SLC35G6: variants seen among roughly 807,000 people sequenced by gnomAD.
The protein encoded by SLC35G6 is acyl-malonyl condensing enzyme 1-like 3.
Under a neutral mutation model 20.3 loss-of-function variants are expected in SLC35G6, and 18 were observed. The observed-to-expected ratio is 0.88, with a 90% CI of 0.61 to 1.31. The LOEUF (loss-of-function observed/expected upper bound fraction) is 1.31, where lower values mean the gene tolerates loss of function less well. Among genes scored for constraint, SLC35G6 ranks in the 40% most tolerant of loss-of-function variants. The probability of loss-of-function intolerance (pLI) is 0.00; values close to 1 mark genes in which losing one functional copy is unlikely to be tolerated. For synonymous variants in SLC35G6, 156 were observed against 200.9 expected, an observed-to-expected ratio of 0.78 and a Z score of 1.89; for missense variants, 372 against 433.4, an observed-to-expected ratio of 0.86 and a Z score of 1.26.
In SLC35G6 at chr17:7,483,323, G is replaced by C. The variant is rs1482346192; in HGVS notation, c.*322G>C. 2.2e-6 allele frequency: 1 copy of C among 456,862 alleles called. No homozygotes were observed. Among genetic ancestry groups the C allele is most frequent in the Non-Finnish European group, 4.0e-6 (1 of 250,220 alleles). 28.3% of individuals were successfully genotyped at this position (456,862 alleles called of 1,614,324 possible). A position where few individuals can be genotyped will look rare whatever the true frequency, so the allele number is the denominator to read the frequency against. ...GGACTTCACTCAGCAGCAAAGAGAA[G>C]AGCATTGGGGCTGGAGTGTTCCGGC... On this transcript the variant is annotated 3_prime_UTR_variant, in exon 2 of 2. Coordinates refer to ENST00000412468, the MANE Select transcript of SLC35G6 (RefSeq NM_001102614.2).
In SLC35G6 at chr17:7,482,755, G is replaced by T. The variant is rs757535728; in HGVS notation, c.771G>T (p.Gly257=). Residue 257 remains glycine (G), a synonymous_variant, in exon 2 of 2, where the codon GGG becomes GGT. Coordinates refer to ENST00000412468, the MANE Select transcript of SLC35G6 (RefSeq NM_001102614.2). Reference sequence around the variant, plus strand: ...ATCTCCCGAGTTGGAGTTGTGTGGGGGCAGTGGGGATCCTCGCCTTGGTCT... The same window carrying T: ...ATCTCCCGAGTTGGAGTTGTGTGGGTGCAGTGGGGATCCTCGCCTTGGTCT... ...PSDLPSWSCV[G]AVGILALVSF... 3 of 1,611,894 alleles carry T rather than the reference G, an allele frequency of 1.9e-6. No individual in the cohort carries two copies. The highest frequency in any genetic ancestry group is 2.5e-6 in the Non-Finnish European group (3 of 1,179,852).
chr17:7,483,111 G>C lies in SLC35G6; in HGVS notation c.*110G>C. On this transcript the variant is annotated 3_prime_UTR_variant, in exon 2 of 2. Transcript: ENST00000412468. The stretch of plus-strand genomic sequence containing the variant: ...TGGAAAAGAACTGGTGTGGGAGAGG[G>C]ATACCTCTCAGAGTCAAGGGTGACT... The C allele has an allele frequency of 1.3e-6, 2 of 1,519,088 alleles. No homozygotes were observed. Among genetic ancestry groups the C allele is most frequent in the Non-Finnish European group, 1.8e-6 (2 of 1,125,398 alleles). 94.1% of individuals were successfully genotyped at this position (1,519,088 alleles called of 1,614,324 possible). A position where few individuals can be genotyped will look rare whatever the true frequency, so the allele number is the denominator to read the frequency against.
Position 7,483,225 on chromosome 17 carries a change from G to C in SLC35G6, c.*224G>C. On this transcript the variant is annotated 3_prime_UTR_variant, in exon 2 of 2. Transcript: ENST00000412468. ...GAGACCAGGCTGGGTCCTGGAATCA[G>C]GGCATAACTAAGGGGTAAAGTCTGA... 1 of 856,266 alleles carries C rather than the reference G, an allele frequency of 1.2e-6. No homozygotes were observed. 53.0% of individuals were successfully genotyped at this position (856,266 alleles called of 1,614,324 possible). A position where few individuals can be genotyped will look rare whatever the true frequency, so the allele number is the denominator to read the frequency against.
At position 7,483,296 on chromosome 17, in the gene SLC35G6, G is replaced by A; in HGVS notation, c.*295G>A. On this transcript the variant is annotated 3_prime_UTR_variant, in exon 2 of 2. Coordinates refer to ENST00000412468, the MANE Select transcript of SLC35G6 (RefSeq NM_001102614.2). Reference sequence around the variant, plus strand: ...AGGCAGGGAGGCCGTGGGCCACGGGGAGGACTTCACTCAGCAGCAAAGAGA... The same window carrying A: ...AGGCAGGGAGGCCGTGGGCCACGGGAAGGACTTCACTCAGCAGCAAAGAGA... 1 of 530,272 alleles carries A rather than the reference G, an allele frequency of 1.9e-6. No individual in the cohort carries two copies. The allele number at this position is 530,272 out of a possible 1,614,324, so 32.8% of individuals were successfully genotyped here. A position where few individuals can be genotyped will look rare whatever the true frequency, so the allele number is the denominator to read the frequency against.
chr17:7,481,551 C>T (rs1199461108), intron 1 of SLC35G6, 32 bp downstream of exon 1: 4 of 1,466,856 alleles, frequency 2.7e-6, no homozygotes, highest in Non-Finnish European at 3.7e-6. Flanking sequence ...CTAGTACTCC[C>T]TCCCTATAGC....
Position 7,482,260 on chromosome 17 carries a change from C to T in SLC35G6, c.276C>T (p.Asp92=). 1 of 1,614,044 alleles carries T rather than the reference C, an allele frequency of 6.2e-7. No homozygotes were observed. The highest frequency in any genetic ancestry group is 8.5e-7 in the Non-Finnish European group (1 of 1,179,880). Residue 92 remains aspartate, a synonymous_variant, in exon 2 of 2, where the codon GAC becomes GAT. Transcript: ENST00000412468. ...CCCTGCTACTTAAACTGCGTGGCGA[C>T]CCCCTTCTGGGACCTCCTGACATCC... ...PIALLLKLRG[D]PLLGPPDIRG...
At position 7,482,571 on chromosome 17, in the gene SLC35G6, C is replaced by G. The variant is rs745756962; in HGVS notation, c.587C>G (p.Ala196Gly). Residue 196 changes from alanine (A) to glycine (G), a missense_variant, in exon 2 of 2, where the codon GCT becomes GGT. Physicochemically the swap from Ala to Gly is moderately conservative, Grantham distance 60. Transcript: ENST00000412468. ...TACACCGCCCTGGGCTATGGGCAGG[C>G]TTTCGTGGGAGGACTGGCGCTGTCC... ...GVYTALGYGQ[A>G]FVGGLALSLG... 1 of 1,612,402 alleles carries G rather than the reference C, an allele frequency of 6.2e-7. No homozygotes were observed. The highest frequency in any genetic ancestry group is 1.1e-5 in the South Asian group (1 of 91,002).
rs754187851 is a variant in SLC35G6 at position 7,482,372 on chromosome 17, G to A, written c.388G>A (p.Ala130Thr). ...GGTTCAGGTGGTGCCCGCTGGCAACGCTGCCACTGTTCGCAAAGGTTCTTC... is the reference window on the plus strand; with the variant it reads ...GGTTCAGGTGGTGCCCGCTGGCAACACTGCCACTGTTCGCAAAGGTTCTTC... Reference protein sequence around the residue: ...SAVQVVPAGNAATVRKGSSTV... With the variant: ...SAVQVVPAGNTATVRKGSSTV... Residue 130 changes from alanine to threonine, a missense_variant, in exon 2 of 2, where the codon GCT (alanine) becomes ACT (threonine). By Grantham distance (58) the Ala-to-Thr change is moderately conservative. Coordinates refer to ENST00000412468, the MANE Select transcript of SLC35G6 (RefSeq NM_001102614.2). 7.4e-6 allele frequency: 12 copies of A among 1,613,880 alleles called. No homozygotes were observed. The highest frequency in any genetic ancestry group is 2.7e-5 in the African/African-American group (2 of 74,922).
chr17:7,481,869 C>G, intron 1 of SLC35G6, 119 bp from the exon 2 acceptor site: 5 of 1,382,900 alleles, frequency 3.6e-6, no homozygotes, highest in African/African-American at 1.5e-5. Flanking sequence ...AGTTCCTCAG[C>G]AAGATAGCCC....
chr17:7,483,230 T>C lies in SLC35G6; in HGVS notation c.*229T>C. ...CAGGCTGGGTCCTGGAATCAGGGCA[T>C]AACTAAGGGGTAAAGTCTGAGGAGC... On this transcript the variant is annotated 3_prime_UTR_variant, in exon 2 of 2. Transcript: ENST00000412468. 6.1e-6 allele frequency: 5 copies of C among 816,668 alleles called. 1 individual carries two copies. Among genetic ancestry groups the C allele is most frequent in the Middle Eastern group, 7.4e-4 (2 of 2,702 alleles). The allele number at this position is 816,668 out of a possible 1,614,324, so 50.6% of individuals were successfully genotyped here.
In SLC35G6 at chr17:7,481,976, T is replaced by C. The variant is rs749972717; in HGVS notation, c.4-12T>C. The C allele has an allele frequency of 6.3e-7, 1 of 1,575,372 alleles. No homozygotes were observed. The highest frequency in any genetic ancestry group is 2.2e-5 in the East Asian group (1 of 44,602). ...GGCTGCTGTCTACCCTGAGCTCCTT[T>C]CTCCCTAACAGGCTGGCAGTCACCC... On this transcript the variant is annotated splice_polypyrimidine_tract_variant and intron_variant, in intron 1 of 1. Coordinates refer to ENST00000412468, the MANE Select transcript of SLC35G6 (RefSeq NM_001102614.2).
chr17:7,482,775 T>C lies in SLC35G6; in HGVS notation c.791T>C (p.Leu264Ser), dbSNP rs2070363225. The C allele has an allele frequency of 6.2e-7, 1 of 1,612,062 alleles. No homozygotes were observed. Among genetic ancestry groups the C allele is most frequent in the Non-Finnish European group, 8.5e-7 (1 of 1,179,870 alleles). Reference protein sequence around the residue: ...SCVGAVGILALVSFTCVSYAV... With the variant: ...SCVGAVGILASVSFTCVSYAV... Reference sequence around the variant, plus strand: ...GTGGGGGCAGTGGGGATCCTCGCCTTGGTCTCCTTCACATGTGTGAGCTAT... The same window carrying C: ...GTGGGGGCAGTGGGGATCCTCGCCTCGGTCTCCTTCACATGTGTGAGCTAT... The change falls in exon 2 of 2, where the codon TTG becomes TCG. Residue 264 changes from leucine (L) to serine (S), a missense_variant. Leu to Ser is a moderately radical substitution (Grantham distance 145, BLOSUM62 -2). Transcript: ENST00000412468.
chr17:7,482,407 C>G lies in SLC35G6; in HGVS notation c.423C>G (p.Cys141Trp), dbSNP rs781052017. 6.2e-7 allele frequency: 1 copy of G among 1,613,910 alleles called. No individual in the cohort carries two copies. The highest frequency in any genetic ancestry group is 1.3e-5 in the African/African-American group (1 of 74,930). Reference sequence around the variant, plus strand: ...TTCGCAAAGGTTCTTCCACCGTCTGCTCCGCCGTCCTCACCCTCTGCCTTG... The same window carrying G: ...TTCGCAAAGGTTCTTCCACCGTCTGGTCCGCCGTCCTCACCCTCTGCCTTG... ...ATVRKGSSTV[C>W]SAVLTLCLES... is the part of the protein sequence containing the mutation. The change falls in exon 2 of 2, where the codon TGC becomes TGG. Residue 141 changes from cysteine to tryptophan, a missense_variant. Coordinates refer to ENST00000412468, the MANE Select transcript of SLC35G6 (RefSeq NM_001102614.2).
intron 1 of SLC35G6, 37 bp from the exon 2 acceptor site, chr17:7,481,951 G>T: frequency 6.4e-7 from 1 of 1,550,820 alleles, no homozygotes; most frequent in Non-Finnish European, 8.7e-7. Context: ...CCTGGGCTGC[G>T]GCTGCTGTCT....
At chr17:7,481,638 T>C (rs1031097787) in intron 1 of SLC35G6, 119 bp downstream of exon 1, 2 of 718,776 alleles carry the variant, frequency 2.8e-6, no homozygotes, top group Non-Finnish European at 4.4e-6. Flanking sequence ...TTCATAATGG[T>C]GTACCCAGAT....
chr17:7,481,922 T>C, intron 1 of SLC35G6, 66 bp from the exon 2 acceptor site: 2 of 1,533,970 alleles, frequency 1.3e-6, no homozygotes, highest in South Asian at 2.6e-5. Context: ...CATCCTGGCA[T>C]CTGCCCTGCC....
chr17:7,481,470 G>C lies in SLC35G6; in HGVS notation c.-47G>C, dbSNP rs771182474. The C allele has an allele frequency of 6.6e-5, 98 of 1,484,594 alleles. No homozygotes were observed. Among genetic ancestry groups the C allele is most frequent in the Non-Finnish European group, 7.7e-5 (86 of 1,119,228 alleles). The allele number at this position is 1,484,594 out of a possible 1,614,324, so 92.0% of individuals were successfully genotyped here. On this transcript the variant is annotated 5_prime_UTR_variant, in exon 1 of 2. Transcript: ENST00000412468. ...TGTCACAATGGCTGGAGCTCTGAGG[G>C]GCCCAGGCTCCCTGAGCCAGGAGGA...
intron 1 of SLC35G6, 120 bp from the exon 2 acceptor site, chr17:7,481,868 G>A (rs1007033583): frequency 4.6e-5 from 64 of 1,381,096 alleles, no homozygotes; most frequent in Non-Finnish European, 9.7e-7. Flanking sequence ...GAGTTCCTCA[G>A]CAAGATAGCC....
At chr17:7,481,956 C>A in intron 1 of SLC35G6, 32 bp from the exon 2 acceptor site, 1 of 1,552,844 alleles carries the variant, frequency 6.4e-7, no homozygotes, top group Non-Finnish European at 8.7e-7. Flanking sequence ...GCTGCGGCTG[C>A]TGTCTACCCT....
Sources: allele counts gnomAD v4.1 joint callset, GRCh38; gene constraint gnomAD v4.1.1; transcripts MANE v1.5; gene names NCBI Gene and HGNC (gene_info 2026-07-23, HGNC 2026-07-21).